Variants in SRPK2 observed in about 807,000 individuals in gnomAD.
SRPK2 encodes SRSF protein kinase 2, also known as SFRS protein kinase 2.
Under a neutral mutation model 90.8 loss-of-function variants are expected in SRPK2, and 21 were observed. That is an observed-to-expected ratio of 0.23 (90% CI 0.16 to 0.33). SRPK2 has a LOEUF of 0.33. Ranked by LOEUF, SRPK2 falls within the 10% of genes least tolerant of loss-of-function variation. The pLI, the probability that SRPK2 is intolerant of heterozygous loss-of-function variation, is 1.00. For synonymous variants in SRPK2, 288 were observed against 311.1 expected (o/e 0.93, Z 0.78); for missense variants, 620 against 869.0 (o/e 0.71, Z 3.60).
At chr7:105,312,327 C>G (rs1811794756) in intron 2 of SRPK2, among the ~76,000 whole-genome samples, 1 of 148,000 alleles carries the variant, frequency 6.8e-6, no homozygotes, top group Non-Finnish European at 1.5e-5. Context: ...GTAGTCCCAG[C>G]TACTTGGGAG....
At position 105,117,668 on chromosome 7, in the gene SRPK2, G is replaced by A; in HGVS notation, c.*170C>T. The A allele has an allele frequency of 1.5e-6, 1 of 660,620 alleles. No homozygotes were observed. The highest frequency in any genetic ancestry group is 2.8e-5 in the East Asian group (1 of 36,194). 40.9% of individuals were successfully genotyped at this position (660,620 alleles called of 1,614,324 possible). A position where few individuals can be genotyped will look rare whatever the true frequency, so the allele number is the denominator to read the frequency against. ...AAGACAAAAGACTACCCTTCCCCAG[G>A]ATCACAGTGCACAAAAAGCAAAATG... On this transcript the variant is annotated 3_prime_UTR_variant, in exon 16 of 16. Coordinates refer to ENST00000393651, the MANE Select transcript of SRPK2 (RefSeq NM_182692.3).
intron 2 of SRPK2, among the ~76,000 whole-genome samples, chr7:105,343,242 G>A (rs1816036846): frequency 6.6e-6 from 1 of 152,126 alleles, no homozygotes; most frequent in Non-Finnish European, 1.5e-5. Flanking sequence ...AGACCAGCCT[G>A]GGCAACCTTA....
At chr7:105,161,286 T>C (rs972074219) in intron 6 of SRPK2, among the ~76,000 whole-genome samples, 2 of 152,250 alleles carry the variant, frequency 1.3e-5, no homozygotes, top group Non-Finnish European at 2.9e-5. Flanking sequence ...GTATATGCTA[T>C]GTAAATAGTT....
intron 3 of SRPK2, among the ~76,000 whole-genome samples, chr7:105,192,220 C>G (rs1255791366): frequency 6.6e-6 from 1 of 152,104 alleles, no homozygotes; most frequent in African/African-American, 2.4e-5. Flanking sequence ...CCTACCCTTT[C>G]CCCCTGAGTC....
intron 2 of SRPK2, among the ~76,000 whole-genome samples, chr7:105,367,023 T>C (rs7800928): frequency 0.27 from 41,754 of 151,984 alleles, 6,259 homozygotes; most frequent in Middle Eastern, 0.34. Flanking sequence ...GCACTAAACA[T>C]AGTGAAATAT....
intron 8 of SRPK2, 91 bp downstream of exon 8, chr7:105,146,402 T>C (rs1016034133): frequency 2.2e-6 from 3 of 1,347,292 alleles, no homozygotes; most frequent in Non-Finnish European, 3.0e-6. Context: ...CTTCCTTATG[T>C]GTAACGTTTG....
In SRPK2 at chr7:105,306,319, C is replaced by T. The variant is rs1046534290; in HGVS notation, c.71+82329G>A. ...TCTAAGAAACTTAATCAGAACCTGA[C>T]GGATCATCTCTGAATACCATAGTTT... On this transcript the variant is annotated intron_variant, in intron 2 of 15. Transcript: ENST00000393651. 7 of 323,540 alleles carry T rather than the reference C, an allele frequency of 2.2e-5. No individual in the cohort carries two copies. In the East Asian group the frequency reaches 2.4e-4, roughly 11 times the overall value. The allele number at this position is 323,540 out of a possible 1,614,324, so 20.0% of individuals were successfully genotyped here. A position where few individuals can be genotyped will look rare whatever the true frequency, so the allele number is the denominator to read the frequency against.
At chr7:105,374,164 T>A (rs953239932) in intron 2 of SRPK2, among the ~76,000 whole-genome samples, 6 of 152,130 alleles carry the variant, frequency 3.9e-5, no homozygotes, top group Non-Finnish European at 8.8e-5. Context: ...TCACCTCAAG[T>A]GATCTGCCCA....
intron 2 of SRPK2, chr7:105,306,415 T>C: frequency 2.4e-6 from 1 of 419,780 alleles, no homozygotes; most frequent in South Asian, 1.7e-5. Context: ...AACCAAGATG[T>C]TTAAGTAGAA....
At chr7:105,354,883 A>G (rs936603467) in intron 2 of SRPK2, among the ~76,000 whole-genome samples, 4 of 152,134 alleles carry the variant, frequency 2.6e-5, no homozygotes, top group African/African-American at 9.7e-5. Context: ...ACCCATCAAC[A>G]GGCACGCCCC....
chr7:105,240,891 A>C (rs1006275046), intron 2 of SRPK2, among the ~76,000 whole-genome samples: 1 of 152,218 alleles, frequency 6.6e-6, no homozygotes, highest in Non-Finnish European at 1.5e-5. Context: ...AACCTTTGTC[A>C]GTACTATGCC....
At chr7:105,176,080 A>C (rs1791803490) in intron 3 of SRPK2, among the ~76,000 whole-genome samples, 2 of 152,220 alleles carry the variant, frequency 1.3e-5, no homozygotes, top group Non-Finnish European at 2.9e-5. Flanking sequence ...TTCCAGACAA[A>C]CGTTCAACAA....
At chr7:105,273,351 A>G (rs973034850) in intron 2 of SRPK2, among the ~76,000 whole-genome samples, 1 of 151,862 alleles carries the variant, frequency 6.6e-6, no homozygotes, top group African/African-American at 2.4e-5. Flanking sequence ...ATCTTTTCGT[A>G]TACAGTTTCC....
intron 3 of SRPK2, among the ~76,000 whole-genome samples, chr7:105,195,657 C>T (rs1794826611): frequency 6.6e-6 from 1 of 152,236 alleles, no homozygotes; most frequent in Non-Finnish European, 1.5e-5. Flanking sequence ...CTCTCAACAT[C>T]ATCCAAATAT....
chr7:105,389,351 C>G, upstream of SRPK2: 1 of 1,275,466 alleles, frequency 7.8e-7, no homozygotes. Flanking sequence ...CTTTGCTCCT[C>G]TACATCCTTG....
At position 105,160,566 on chromosome 7, in the gene SRPK2, T is replaced by C; in HGVS notation, c.562A>G (p.Ile188Val). Residue 188 changes from isoleucine (I) to valine (V), a missense_variant, in exon 7 of 16, where the codon ATC becomes GTC. By Grantham distance (29) the Ile-to-Val change is conservative (BLOSUM62 3). This residue lies in a region of SRPK2 where 196 missense variants were observed against 339.2 expected (regional missense o/e 0.58). Coordinates refer to ENST00000393651, the MANE Select transcript of SRPK2 (RefSeq NM_182692.3). Reference protein sequence around the residue: ...EVLGHHLLKWIIKSNYQGLPV... With the variant: ...EVLGHHLLKWVIKSNYQGLPV... The stretch of plus-strand genomic sequence containing the variant: ...AGGCCTTGATAGTTGGATTTGATGA[T>C]CCACTTGAGGAGATGGTGGCCAAGT... The C allele has an allele frequency of 3.1e-6, 5 of 1,613,960 alleles. No homozygotes were observed. Among genetic ancestry groups the C allele is most frequent in the Non-Finnish European group, 4.2e-6 (5 of 1,179,852 alleles).
intron 2 of SRPK2, among the ~76,000 whole-genome samples, chr7:105,230,647 A>G (rs1268145528): frequency 6.6e-6 from 1 of 152,234 alleles, no homozygotes; most frequent in African/African-American, 2.4e-5. Context: ...AAAGACAATC[A>G]TATACACAGA....
At chr7:105,223,791 T>TA (rs1798383074) in intron 2 of SRPK2, among the ~76,000 whole-genome samples, 1 of 152,200 alleles carries the variant, frequency 6.6e-6, no homozygotes, top group Admixed American at 6.5e-5. Context: ...ACAGCTTTTT[T>TA]AAAAAATGAA....
chr7:105,384,583 G>T (rs903603094), intron 2 of SRPK2, among the ~76,000 whole-genome samples: 2 of 152,168 alleles, frequency 1.3e-5, no homozygotes, highest in African/African-American at 4.8e-5. Context: ...CATATTAATA[G>T]TTTAAAATTA....
Sources: allele counts gnomAD v4.1 joint callset (sites outside exome capture counted in the v4.1 genomes callset), GRCh38; gene constraint gnomAD v4.1.1; regional missense constraint gnomAD v4.1.1; transcripts MANE v1.5; gene names NCBI Gene and HGNC (gene_info 2026-07-23, HGNC 2026-07-21).